The following SEMA5A variants were observed in gnomAD, a reference collection of about 807,000 sequenced individuals.
SEMA5A encodes the protein semaphorin 5A, also known as semaphorin-5A.
In SEMA5A, 55 loss-of-function variants were observed where a neutral mutation model predicts 135.5. The observed-to-expected ratio is 0.41, with a 90% confidence interval of 0.33 to 0.51. The LOEUF is 0.51. SEMA5A is among the 20% of genes least tolerant of loss of function. The probability of loss-of-function intolerance (pLI) is 0.37; values close to 1 mark genes in which losing one functional copy is unlikely to be tolerated. For synonymous variants in SEMA5A, 580 were observed against 546.5 expected, an observed-to-expected ratio of 1.06 and a Z score of -0.85; for missense variants, 1,290 against 1,419.9, an observed-to-expected ratio of 0.91 and a Z score of 1.47.
intron 8 of SEMA5A, among the ~76,000 whole-genome samples, chr5:9,206,859 A>G (rs1040150851): frequency 6.6e-6 from 1 of 151,020 alleles, no homozygotes; most frequent in African/African-American, 2.4e-5. Context: ...GTTGCATCTG[A>G]CAATCAGACC....
At chr5:9,406,840 T>C (rs546760874) in intron 2 of SEMA5A, among the ~76,000 whole-genome samples, 100 of 152,334 alleles carry the variant, frequency 6.6e-4, no homozygotes, top group African/African-American at 2.3e-3. Flanking sequence ...CTGTAGTAGA[T>C]AGATTTCAAA....
At chr5:9,440,407 T>C (rs551598309) in intron 1 of SEMA5A, among the ~76,000 whole-genome samples, 2 of 152,350 alleles carry the variant, frequency 1.3e-5, no homozygotes, top group South Asian at 2.1e-4. Flanking sequence ...TTTATAAACA[T>C]ATAAATTTCT....
At chr5:9,503,977 G>A (rs1735727463) in intron 1 of SEMA5A, among the ~76,000 whole-genome samples, 1 of 151,814 alleles carries the variant, frequency 6.6e-6, no homozygotes, top group South Asian at 2.1e-4. Context: ...AGCACTTTGG[G>A]AGGCCGAGGC....
At chr5:9,365,965 A>G (rs1029719608) in intron 3 of SEMA5A, among the ~76,000 whole-genome samples, 21 of 152,058 alleles carry the variant, frequency 1.4e-4, no homozygotes, top group African/African-American at 5.1e-4. Flanking sequence ...CCAGCCCTGC[A>G]CTGCTTACTC....
chr5:9,455,474 T>C (rs1758800332), intron 1 of SEMA5A, among the ~76,000 whole-genome samples: 2 of 151,968 alleles, frequency 1.3e-5, no homozygotes, highest in African/African-American at 2.4e-5. Context: ...GCAAGGACAG[T>C]CTCAATCTCC....
At chr5:9,194,025 C>T (rs40694) in intron 10 of SEMA5A, among the ~76,000 whole-genome samples, 151,222 of 152,342 alleles carry the variant, frequency 0.99, 75,062 homozygotes, top group East Asian at 1. Flanking sequence ...AGGGTCTATT[C>T]GTCCATTTCA....
intron 11 of SEMA5A, among the ~76,000 whole-genome samples, chr5:9,178,370 T>C (rs1343231943): frequency 6.7e-6 from 1 of 149,252 alleles, no homozygotes; most frequent in Admixed American, 6.7e-5. Context: ...CCTAGCTTTG[T>C]AACCCAGGCT....
intron 11 of SEMA5A, among the ~76,000 whole-genome samples, chr5:9,177,328 G>T (rs756363560): frequency 6.6e-6 from 1 of 152,182 alleles, no homozygotes; most frequent in Non-Finnish European, 1.5e-5. Flanking sequence ...CAAGATGAGT[G>T]CTTTAAATGA....
chr5:9,328,042 A>C (rs1752955559), intron 4 of SEMA5A, among the ~76,000 whole-genome samples: 1 of 152,192 alleles, frequency 6.6e-6, no homozygotes, highest in South Asian at 2.1e-4. Flanking sequence ...CAAATCTGAG[A>C]TCTTTTTTCT....
intron 5 of SEMA5A, among the ~76,000 whole-genome samples, chr5:9,266,347 A>G (rs1337063984): frequency 3.3e-5 from 5 of 152,222 alleles, no homozygotes; most frequent in Admixed American, 3.3e-4. Context: ...GCTTTTAAAT[A>G]CTATTATTAA....
At chr5:9,117,830 A>G (rs190656968) in intron 15 of SEMA5A, among the ~76,000 whole-genome samples, 240 of 152,302 alleles carry the variant, frequency 1.6e-3, no homozygotes, top group African/African-American at 5.5e-3. Context: ...AGGCTTTCCC[A>G]CTTATCAACT....
intron 11 of SEMA5A, among the ~76,000 whole-genome samples, chr5:9,182,148 TG>T (rs1744550424): frequency 7.6e-6 from 1 of 130,896 alleles, no homozygotes; most frequent in South Asian, 2.4e-4. Flanking sequence ...TTATTGCTTC[TG>T]CCCCCCACCC....
At chr5:9,408,251 G>A (rs762500801) in intron 2 of SEMA5A, among the ~76,000 whole-genome samples, 12 of 152,014 alleles carry the variant, frequency 7.9e-5, no homozygotes, top group Non-Finnish European at 5.9e-5. Flanking sequence ...TCCACAGCAC[G>A]GAATACTATA....
intron 19 of SEMA5A, among the ~76,000 whole-genome samples, chr5:9,052,567 AAC>A (rs1385316972): frequency 6.6e-6 from 1 of 152,192 alleles, no homozygotes; most frequent in Non-Finnish European, 1.5e-5. Flanking sequence ...CTGTTATAAA[AAC>A]AATTCCGCAG....
chr5:9,194,277 T>C (rs1745272390), intron 10 of SEMA5A, among the ~76,000 whole-genome samples: 1 of 152,234 alleles, frequency 6.6e-6, no homozygotes, highest in Non-Finnish European at 1.5e-5. Flanking sequence ...TGTTGCTTTG[T>C]TACTGTTTTG....
intron 1 of SEMA5A, among the ~76,000 whole-genome samples, chr5:9,461,086 G>A (rs1439042800): frequency 6.6e-6 from 1 of 152,158 alleles, no homozygotes. Flanking sequence ...ATCATTCATG[G>A]AAACGCCTCT....
chr5:9,163,771 G>A (rs75996182), intron 11 of SEMA5A, among the ~76,000 whole-genome samples: 3,753 of 151,762 alleles, frequency 0.025, 154 homozygotes, highest in African/African-American at 0.085. Context: ...AGAAGGTTAG[G>A]ATACAGGCAC....
intron 3 of SEMA5A, among the ~76,000 whole-genome samples, chr5:9,351,738 CCA>C (rs1162850253): frequency 6.6e-6 from 1 of 152,102 alleles, no homozygotes; most frequent in Non-Finnish European, 1.5e-5. Context: ...TGAAATACAC[CCA>C]CACAGATGAA....
At chr5:9,402,587 A>G (rs446509) in intron 2 of SEMA5A, among the ~76,000 whole-genome samples, 2,872 of 105,390 alleles carry the variant, frequency 0.027, no homozygotes, top group East Asian at 0.068. Flanking sequence ...GGGGTTTTGA[A>G]TGTTAGTGAG....
Sources: allele counts gnomAD v4.1 joint callset (sites outside exome capture counted in the v4.1 genomes callset), GRCh38; gene constraint gnomAD v4.1.1; transcripts MANE v1.5; gene names NCBI Gene and HGNC (gene_info 2026-07-23, HGNC 2026-07-21).